The following STARD9 variants were observed in gnomAD, a reference collection of about 807,000 sequenced individuals.
STARD9 encodes the protein StAR related lipid transfer domain containing 9, also known as stAR-related lipid transfer protein 9.
STARD9 carries 346 observed loss-of-function variants against 399.8 expected under a neutral mutation model. The observed-to-expected ratio is 0.87, with a 90% CI of 0.79 to 0.95. The LOEUF is 0.95. Among genes scored for constraint, STARD9 ranks in the 40% least tolerant of loss-of-function variants. The pLI is 0.00. For synonymous variants in STARD9, 2,203 were observed against 2,143.5 expected (o/e 1.03, Z -0.77); for missense variants, 5,832 against 5,667.5 (o/e 1.03, Z -0.93).
chr15:42,587,765 G>A (rs917833615), intron 3 of STARD9, among the ~76,000 whole-genome samples: 10 of 152,144 alleles, frequency 6.6e-5, no homozygotes, highest in Admixed American at 2.6e-4. Context: ...AGGTTTCTCC[G>A]TGTTGGTCAG....
intron 7 of STARD9, among the ~76,000 whole-genome samples, chr15:42,641,261 A>G (rs2059530701): frequency 6.6e-6 from 1 of 152,228 alleles, no homozygotes; most frequent in African/African-American, 2.4e-5. Flanking sequence ...GAAATACTAC[A>G]TTCTAAACCA....
chr15:42,692,266 C>CGG lies in STARD9; in HGVS notation c.10688_10689insGG (p.Ile3564GlufsTer4). 5.9e-6 allele frequency: 9 copies of CGG among 1,537,048 alleles called. No individual in the cohort carries two copies. The highest frequency in any genetic ancestry group is 7.8e-6 in the Non-Finnish European group (9 of 1,146,894). Reference sequence around the variant, plus strand: ...TGGGAAGTATTCCGAGGGAGTTCTTCAATTGCCTTAGGAGACCCCCACATC... The same window carrying CGG: ...TGGGAAGTATTCCGAGGGAGTTCTTCGGAATTGCCTTAGGAGACCCCCACATC... On this transcript the variant is annotated frameshift_variant, in exon 23 of 33. Transcript: ENST00000290607. LOFTEE classifies it high-confidence loss of function.
In STARD9 at chr15:42,687,852, CAGG is replaced by C; in HGVS notation, c.6277_6279del (p.Glu2093del). On this transcript the variant is annotated inframe_deletion, in exon 23 of 33. Coordinates refer to ENST00000290607, the MANE Select transcript of STARD9 (RefSeq NM_020759.3). Reference sequence around the variant, plus strand: ...GTTGGTGTTCCAGGACCAGAAGGAGCAGGAGAAGACTGACCATGCCTTTAGGCC... The same window carrying C: ...GTTGGTGTTCCAGGACCAGAAGGAGCAGAAGACTGACCATGCCTTTAGGCC... 8.5e-6 allele frequency: 13 copies of C among 1,537,288 alleles called. No individual in the cohort carries two copies. Among genetic ancestry groups the C allele is most frequent in the South Asian group, 1.2e-5 (1 of 84,054 alleles).
chr15:42,717,033 C>T lies in STARD9; in HGVS notation c.13479C>T (p.Asp4493=). The T allele has an allele frequency of 1.3e-6, 2 of 1,537,190 alleles. No individual in the cohort carries two copies. Among genetic ancestry groups the T allele is most frequent in the Non-Finnish European group, 1.7e-6 (2 of 1,146,874 alleles). Residue 4493 remains aspartate (D), a synonymous_variant, in exon 28 of 33, where the codon GAC becomes GAT. Transcript: ENST00000290607. ...AGGATTTGGCCAAGCATGTCGTGGA[C>T]ACTTCTATGGCTGATGTGAGTAACT... The part of the protein sequence containing the change: ...SYQDLAKHVV[D]TSMADVMAAC...
chr15:42,654,142 T>C (rs1363012265), intron 9 of STARD9, among the ~76,000 whole-genome samples: 1 of 152,012 alleles, frequency 6.6e-6, no homozygotes, highest in Non-Finnish European at 1.5e-5. Context: ...ATGGTACATA[T>C]TAATAAAAAT....
intron 3 of STARD9, among the ~76,000 whole-genome samples, chr15:42,611,457 T>G (rs1419958793): frequency 6.6e-6 from 1 of 152,192 alleles, no homozygotes; most frequent in East Asian, 1.9e-4. Flanking sequence ...AGGAAAGCCT[T>G]CTTTTGGATC....
At chr15:42,675,202 A>G (rs1258921764) in intron 18 of STARD9, among the ~76,000 whole-genome samples, 2 of 152,190 alleles carry the variant, frequency 1.3e-5, no homozygotes, top group African/African-American at 4.8e-5. Context: ...CTGTCTCCCT[A>G]GGAAAGTCTC....
At chr15:42,635,082 A>G (rs2059394364) in intron 4 of STARD9, 110 bp downstream of exon 4, 7 of 551,126 alleles carry the variant, frequency 1.3e-5, no homozygotes, top group Non-Finnish European at 2.1e-5. Context: ...AACTTTAAAG[A>G]AGATTGAATG....
intron 3 of STARD9, among the ~76,000 whole-genome samples, chr15:42,603,010 G>T (rs79044457): frequency 0.11 from 16,071 of 152,050 alleles, 1,060 homozygotes; most frequent in Non-Finnish European, 0.15. Context: ...GCTGCTACTT[G>T]CTGCTCTTTC....
At chr15:42,655,457 G>A (rs1267348716) in intron 9 of STARD9, among the ~76,000 whole-genome samples, 1 of 152,142 alleles carries the variant, frequency 6.6e-6, no homozygotes, top group African/African-American at 2.4e-5. Flanking sequence ...ACCGATCTTT[G>A]ACAAAGCAAA....
chr15:42,607,455 A>G (rs772084649), intron 3 of STARD9, among the ~76,000 whole-genome samples: 26 of 151,218 alleles, frequency 1.7e-4, no homozygotes, highest in Non-Finnish European at 3.1e-4. Context: ...TGCCCACCTC[A>G]CCCTCCCAAA....
chr15:42,627,507 A>G (rs2059249754), intron 3 of STARD9, among the ~76,000 whole-genome samples: 1 of 152,162 alleles, frequency 6.6e-6, no homozygotes, highest in Non-Finnish European at 1.5e-5. Flanking sequence ...TGTTGGCTGT[A>G]GTAATCACGT....
chr15:42,620,749 T>TTTATA (rs1274597416), intron 3 of STARD9, among the ~76,000 whole-genome samples: 1 of 148,890 alleles, frequency 6.7e-6, no homozygotes, highest in Non-Finnish European at 1.5e-5. Flanking sequence ...TTTATTTTAT[T>TTTATA]TTATTTTATT....
At chr15:42,665,391 C>T (rs1312558318) in intron 14 of STARD9, 61 bp downstream of exon 14, 2 of 1,372,230 alleles carry the variant, frequency 1.5e-6, no homozygotes, top group South Asian at 1.2e-5. Context: ...AGCCTCTTTT[C>T]TTCTCCATAG....
chr15:42,616,875 A>T (rs2058972927), intron 3 of STARD9, among the ~76,000 whole-genome samples: 2 of 146,732 alleles, frequency 1.4e-5, no homozygotes, highest in Admixed American at 1.4e-4. Context: ...TGGGTGACAG[A>T]GCGAGACTTC....
Position 42,693,546 on chromosome 15 carries a change from A to C in STARD9, c.11968A>C (p.Lys3990Gln), listed in dbSNP as rs1253576846. ...HSPHSPQQSP[K>Q]LQFSFLGQHP... The stretch of plus-strand genomic sequence containing the variant: ...CCCACACAGCCCACAGCAGAGTCCA[A>C]AACTCCAATTTAGTTTCTTAGGGCA... Residue 3990 changes from lysine to glutamine, a missense_variant, in exon 23 of 33, where the codon AAA (lysine) becomes CAA (glutamine). Transcript: ENST00000290607. 1 of 1,537,286 alleles carries C rather than the reference A, an allele frequency of 6.5e-7. No individual in the cohort carries two copies. The highest frequency in any genetic ancestry group is 2.4e-5 in the East Asian group (1 of 40,928).
chr15:42,678,037 C>T (rs1197138415), intron 20 of STARD9, among the ~76,000 whole-genome samples: 1 of 152,148 alleles, frequency 6.6e-6, no homozygotes, highest in African/African-American at 2.4e-5. Context: ...GAATCAAGGC[C>T]TCTCCCACCC....
chr15:42,684,859 G>A lies in STARD9; in HGVS notation c.3281G>A (p.Arg1094Lys). The A allele has an allele frequency of 6.5e-7, 1 of 1,537,122 alleles. No homozygotes were observed. The highest frequency in any genetic ancestry group is 8.7e-7 in the Non-Finnish European group (1 of 1,146,896). Residue 1094 changes from arginine to lysine, a missense_variant, in exon 23 of 33, where the codon AGA (arginine) becomes AAA (lysine). By Grantham distance (26) the Arg-to-Lys change is conservative. This residue lies in a region of STARD9 where 5,828 missense variants were observed against 5,651.1 expected (regional missense o/e 1.03). Coordinates refer to ENST00000290607, the MANE Select transcript of STARD9 (RefSeq NM_020759.3). ...TTCAGCCCAGTAATGGATCATTCAA[G>A]AGAAAAAGACAATGATTTATCTGAC... ...TDFSPVMDHSREKDNDLSDTD... is the reference protein window; with the variant it reads ...TDFSPVMDHSKEKDNDLSDTD...
chr15:42,691,482 C>T lies in STARD9; in HGVS notation c.9904C>T (p.His3302Tyr). The change falls in exon 23 of 33, where the codon CAC becomes TAC. Residue 3302 changes from histidine (H) to tyrosine (Y), a missense_variant. Physicochemically the swap from His to Tyr is moderately conservative, Grantham distance 83. Transcript: ENST00000290607. Reference sequence around the variant, plus strand: ...TGGCAGAGAGCAGCCAGCACCCAACCACAGGGGCTCACTTCCTGTGACTAC... The same window carrying T: ...TGGCAGAGAGCAGCCAGCACCCAACTACAGGGGCTCACTTCCTGTGACTAC... ...YTGREQPAPN[H>Y]RGSLPVTTIF... is the part of the protein sequence containing the mutation. 2.0e-6 allele frequency: 3 copies of T among 1,537,232 alleles called. No individual in the cohort carries two copies. Among genetic ancestry groups the T allele is most frequent in the Non-Finnish European group, 2.6e-6 (3 of 1,146,898 alleles).
Sources: gnomAD v4.1 joint callset for allele counts (sites outside exome capture counted in the v4.1 genomes callset) on GRCh38, gnomAD v4.1.1 for gene constraint, gnomAD v4.1.1 regional missense constraint, MANE v1.5 for transcripts, NCBI Gene and HGNC (gene_info 2026-07-23, HGNC 2026-07-21) for gene names.